TEK: variants seen among roughly 807,000 people sequenced by gnomAD.
TEK encodes TEK receptor tyrosine kinase, also known as angiopoietin-1 receptor.
In TEK, 43 loss-of-function variants were observed where a neutral mutation model predicts 131.8. The observed-to-expected ratio is 0.33, with a 90% confidence interval of 0.26 to 0.42. The LOEUF (loss-of-function observed/expected upper bound fraction) is 0.42. TEK is among the 10% of genes least tolerant of loss of function. The pLI is 1.00. For synonymous variants in TEK, 580 were observed against 491.6 expected, an observed-to-expected ratio of 1.18 and a Z score of -2.38; for missense variants, 1,162 against 1,384.4, an observed-to-expected ratio of 0.84 and a Z score of 2.55.
In TEK at chr9:27,183,516, G is replaced by T; in HGVS notation, c.1088G>T (p.Ser363Ile). The change falls in exon 8 of 23, where the codon AGT (serine) becomes ATT (isoleucine). Residue 363 changes from serine to isoleucine, a missense_variant. Physicochemically the swap from Ser to Ile is moderately radical, Grantham distance 142. Transcript: ENST00000380036. ...TTGCCAGATCATATAGAAGTAAACA[G>T]TGGTAAATTTAATCCCATTTGCAAA... ...VDLPDHIEVNSGKFNPICKAS... is the reference protein window; with the variant it reads ...VDLPDHIEVNIGKFNPICKAS... The T allele has an allele frequency of 6.2e-7, 1 of 1,613,952 alleles. No individual in the cohort carries two copies. Among genetic ancestry groups the T allele is most frequent in the Non-Finnish European group, 8.5e-7 (1 of 1,179,868 alleles).
intron 15 of TEK, among the ~76,000 whole-genome samples, chr9:27,207,751 C>A (rs1587015561): frequency 6.6e-6 from 1 of 151,200 alleles, no homozygotes; most frequent in African/African-American, 2.4e-5. Context: ...GCAGATTTTT[C>A]TTTTTTTTTG....
chr9:27,224,336 T>G (rs1826218032), intron 21 of TEK, among the ~76,000 whole-genome samples: 1 of 152,144 alleles, frequency 6.6e-6, no homozygotes, highest in African/African-American at 2.4e-5. Flanking sequence ...ATATCCCTGA[T>G]GAACATTGAT....
intron 10 of TEK, among the ~76,000 whole-genome samples, chr9:27,191,456 T>G (rs1451828532): frequency 6.6e-6 from 1 of 152,192 alleles, no homozygotes; most frequent in Admixed American, 6.5e-5. Flanking sequence ...AATTGGACTA[T>G]TCTGTAAAAA....
At chr9:27,160,240 G>A (rs1351488438) in intron 2 of TEK, among the ~76,000 whole-genome samples, 1 of 151,914 alleles carries the variant, frequency 6.6e-6, no homozygotes, top group Non-Finnish European at 1.5e-5. Context: ...GCCTAGGCTG[G>A]TCTTGAACTA....
intron 6 of TEK, among the ~76,000 whole-genome samples, chr9:27,174,902 G>A (rs953358812): frequency 6.6e-6 from 1 of 152,020 alleles, no homozygotes; most frequent in Admixed American, 6.6e-5. Flanking sequence ...CATGCCAGCA[G>A]TCTCTAGAAC....
intron 22 of TEK, among the ~76,000 whole-genome samples, chr9:27,228,863 A>C (rs779032352): frequency 6.6e-6 from 1 of 152,208 alleles, no homozygotes; most frequent in Non-Finnish European, 1.5e-5. Flanking sequence ...AGGAACCCAG[A>C]AGAAGGAACC....
chr9:27,196,604 C>G (rs1825019761), intron 11 of TEK, among the ~76,000 whole-genome samples: 1 of 152,012 alleles, frequency 6.6e-6, no homozygotes, highest in African/African-American at 2.4e-5. Context: ...ACAGTAAAAA[C>G]AGTAACCATT....
intron 2 of TEK, among the ~76,000 whole-genome samples, chr9:27,158,430 G>A (rs1453261217): frequency 6.6e-6 from 1 of 152,094 alleles, no homozygotes; most frequent in East Asian, 1.9e-4. Context: ...ACTGTTACAT[G>A]TATGTAATAT....
chr9:27,186,893 C>A (rs765172183), intron 9 of TEK, among the ~76,000 whole-genome samples: 19 of 152,086 alleles, frequency 1.2e-4, no homozygotes, highest in Non-Finnish European at 2.5e-4. Flanking sequence ...GATTCTGTGC[C>A]CTGAGAATCC....
At chr9:27,132,389 A>T (rs189884582) in intron 1 of TEK, among the ~76,000 whole-genome samples, 361 of 152,318 alleles carry the variant, frequency 2.4e-3, no homozygotes, top group Admixed American at 4.1e-3. Context: ...AATTAACAGG[A>T]TAAAAATAAT....
intron 1 of TEK, among the ~76,000 whole-genome samples, chr9:27,127,438 G>C (rs1822031064): frequency 6.6e-6 from 1 of 152,174 alleles, no homozygotes; most frequent in Non-Finnish European, 1.5e-5. Context: ...ATAAACGTGT[G>C]TGCATGAGTC....
intron 12 of TEK, 75 bp downstream of exon 12, chr9:27,197,674 TG>T: frequency 6.3e-7 from 1 of 1,578,134 alleles, no homozygotes; most frequent in Non-Finnish European, 8.7e-7. Flanking sequence ...CTAACATCAC[TG>T]CAGGACTATT....
chr9:27,178,850 C>T (rs1824262495), intron 6 of TEK, among the ~76,000 whole-genome samples: 1 of 152,126 alleles, frequency 6.6e-6, no homozygotes, highest in Non-Finnish European at 1.5e-5. Flanking sequence ...CTTAAATATT[C>T]TACTATAAAG....
At chr9:27,205,883 G>A (rs942132232) in intron 14 of TEK, among the ~76,000 whole-genome samples, 1 of 152,190 alleles carries the variant, frequency 6.6e-6, no homozygotes, top group Non-Finnish European at 1.5e-5. Context: ...CGGAGGACAA[G>A]AGGAACTTCA....
intron 11 of TEK, among the ~76,000 whole-genome samples, chr9:27,197,079 G>C (rs1169294639): frequency 2.8e-5 from 4 of 145,094 alleles, no homozygotes; most frequent in African/African-American, 7.7e-5. Flanking sequence ...ACTGGGGCCT[G>C]TTATATACTT....
chr9:27,126,186 C>T (rs2131051549), intron 1 of TEK, among the ~76,000 whole-genome samples: 1 of 152,274 alleles, frequency 6.6e-6, no homozygotes, highest in South Asian at 2.1e-4. Context: ...GTGGCTGATT[C>T]ATTAACATTG....
At chr9:27,109,672 A>C (rs1821254000) in intron 1 of TEK, 30 bp downstream of exon 1, 1 of 1,610,852 alleles carries the variant, frequency 6.2e-7, no homozygotes, top group African/African-American at 1.3e-5. Flanking sequence ...TTTTTAATTT[A>C]GTATTTTAAA....
chr9:27,222,873 C>T (rs1826144029), intron 21 of TEK, among the ~76,000 whole-genome samples: 1 of 151,650 alleles, frequency 6.6e-6, no homozygotes, highest in Non-Finnish European at 1.5e-5. Flanking sequence ...AATATTGAGA[C>T]CCATCTAACG....
chr9:27,217,562 G>GACAT (rs1825864636), intron 18 of TEK, 126 bp from the exon 19 acceptor site: 1 of 796,380 alleles, frequency 1.3e-6, no homozygotes, highest in African/African-American at 1.7e-5. Flanking sequence ...ATGTAGCTGG[G>GACAT]ACATACACAA....
Sources: allele counts gnomAD v4.1 joint callset (sites outside exome capture counted in the v4.1 genomes callset), GRCh38; gene constraint gnomAD v4.1.1; transcripts MANE v1.5; gene names NCBI Gene and HGNC (gene_info 2026-07-23, HGNC 2026-07-21).